PKNOX2: variants seen among roughly 807,000 people sequenced by gnomAD.
PKNOX2 encodes the protein PBX/knotted 1 homeobox 2.
PKNOX2 carries 14 observed loss-of-function variants against 53.1 expected under a neutral mutation model. The ratio of observed to expected loss-of-function variants is 0.26; its 90% CI spans 0.17 to 0.41. The LOEUF is 0.41. Ranked by LOEUF, PKNOX2 falls within the 10% of genes least tolerant of loss-of-function variation. The pLI is 1.00. For missense variants in PKNOX2, 496 were observed against 602.8 expected, an observed-to-expected ratio of 0.82 and a Z score of 1.85; for synonymous variants, 257 against 242.8, an observed-to-expected ratio of 1.06 and a Z score of -0.54.
intron 3 of PKNOX2, among the ~76,000 whole-genome samples, chr11:125,334,853 C>G (rs1450397921): frequency 6.6e-6 from 1 of 152,100 alleles, no homozygotes; most frequent in Non-Finnish European, 1.5e-5. Context: ...ATCTGCCTGC[C>G]TCGGCCTCCC....
chr11:125,180,135 T>C (rs990070340), intron 1 of PKNOX2, among the ~76,000 whole-genome samples: 7 of 152,200 alleles, frequency 4.6e-5, no homozygotes, highest in African/African-American at 1.7e-4. Flanking sequence ...GTTCCCTGGA[T>C]ATCTGCGTGG....
Position 125,230,445 on chromosome 11 carries a change from C to T in PKNOX2, c.-200-4600C>T, listed in dbSNP as rs74568840. On this transcript the variant is annotated intron_variant, in intron 1 of 12. Transcript: ENST00000298282. ...TGAGATATGGTGGGAGCTGCAGATA[C>T]GCTGTTGGAGGGACGAGTGGTCCAT... Among the ~76,000 whole-genome samples the T allele has an allele frequency of 7.2e-5, 11 of 152,234 alleles. No individual in the cohort carries two copies. The East Asian group carries it at 1.2e-3, about 16-fold the overall frequency.
intron 2 of PKNOX2, among the ~76,000 whole-genome samples, chr11:125,327,970 T>TGGAGTGATTCCTCC (rs1949923776): frequency 6.6e-6 from 1 of 152,210 alleles, no homozygotes; most frequent in African/African-American, 2.4e-5. Context: ...TCCCTAATAT[T>TGGAGTGATTCCTCC]GGAGTGATTC....
At chr11:125,215,027 G>A (rs117429518) in intron 1 of PKNOX2, among the ~76,000 whole-genome samples, 3,846 of 152,136 alleles carry the variant, frequency 0.025, 128 homozygotes, top group Admixed American at 0.085. Context: ...GTGGGAGAGC[G>A]TCCGCGAAGG....
chr11:125,339,933 T>C (rs1289197618), intron 3 of PKNOX2, among the ~76,000 whole-genome samples: 4 of 152,236 alleles, frequency 2.6e-5, no homozygotes, highest in Admixed American at 2.0e-4. Flanking sequence ...GAGTCCACGA[T>C]GAAGACTCAA....
rs956818165 is a variant in PKNOX2, at chr11:125,192,364, G to A, written c.-201+27588G>A. On this transcript the variant is annotated intron_variant, in intron 1 of 12. Coordinates refer to ENST00000298282, the MANE Select transcript of PKNOX2 (RefSeq NM_001382323.2). ...AAAGAATGTGTCTGAAGGCAGCTTG[G>A]GAAGATAAGGGCAAATTAAGTCAGG... 2.1e-4 allele frequency among the ~76,000 whole-genome samples: 32 copies of A among 152,154 alleles called. 1 individual carries two copies. The highest frequency in any genetic ancestry group is 7.2e-4 in the African/African-American group (30 of 41,428).
intron 2 of PKNOX2, among the ~76,000 whole-genome samples, chr11:125,315,005 C>A (rs1049445249): frequency 6.6e-6 from 1 of 152,194 alleles, no homozygotes; most frequent in Admixed American, 6.5e-5. Flanking sequence ...AGTCACACCC[C>A]TCTGGTCTTC....
At chr11:125,208,916 T>C (rs981728116) in intron 1 of PKNOX2, among the ~76,000 whole-genome samples, 2 of 151,958 alleles carry the variant, frequency 1.3e-5, no homozygotes, top group Non-Finnish European at 2.9e-5. Context: ...TGGGAGTACT[T>C]GGCCACCTCA....
At chr11:125,426,384 T>A (rs1291628295) in intron 10 of PKNOX2, among the ~76,000 whole-genome samples, 4 of 152,252 alleles carry the variant, frequency 2.6e-5, no homozygotes, top group African/African-American at 9.6e-5. Context: ...CCTCCTTTTT[T>A]TCTTCCCATC....
chr11:125,404,562 G>A (rs1295795682), intron 7 of PKNOX2, among the ~76,000 whole-genome samples: 1 of 152,084 alleles, frequency 6.6e-6, no homozygotes, highest in African/African-American at 2.4e-5. Context: ...TCTGGGGACA[G>A]GGACAACCTC....
intron 2 of PKNOX2, among the ~76,000 whole-genome samples, chr11:125,280,556 T>G (rs1271906728): frequency 6.6e-6 from 1 of 151,698 alleles, no homozygotes; most frequent in Non-Finnish European, 1.5e-5. Flanking sequence ...AATGGGGAGG[T>G]CTTCTCTAGC....
At chr11:125,246,608 TC>T (rs1207022937) in intron 2 of PKNOX2, among the ~76,000 whole-genome samples, 1 of 152,160 alleles carries the variant, frequency 6.6e-6, no homozygotes, top group African/African-American at 2.4e-5. Context: ...ATGTCTGCTG[TC>T]CCACTTCCTC....
At chr11:125,286,418 C>T (rs1229540637) in intron 2 of PKNOX2, among the ~76,000 whole-genome samples, 2 of 152,230 alleles carry the variant, frequency 1.3e-5, no homozygotes, top group Non-Finnish European at 2.9e-5. Flanking sequence ...CACTTCTTCT[C>T]CAACAAAGTG....
At chr11:125,287,464 G>A (rs948989490) in intron 2 of PKNOX2, among the ~76,000 whole-genome samples, 2 of 152,172 alleles carry the variant, frequency 1.3e-5, no homozygotes, top group African/African-American at 4.8e-5. Flanking sequence ...AATGCTCTAA[G>A]GCCCTTATGG....
intron 2 of PKNOX2, among the ~76,000 whole-genome samples, chr11:125,241,879 A>T (rs574261537): frequency 6.6e-6 from 1 of 152,172 alleles, no homozygotes; most frequent in African/African-American, 2.4e-5. Context: ...ACAAATGAAC[A>T]AAAAAAGAGA....
At chr11:125,221,865 C>T (rs1941186456) in intron 1 of PKNOX2, among the ~76,000 whole-genome samples, 2 of 152,150 alleles carry the variant, frequency 1.3e-5, no homozygotes, top group African/African-American at 4.8e-5. Context: ...CCCAAAATGA[C>T]AGTAGTGCCA....
chr11:125,318,467 A>G (rs780221337), intron 2 of PKNOX2, among the ~76,000 whole-genome samples: 1 of 152,042 alleles, frequency 6.6e-6, no homozygotes, highest in Non-Finnish European at 1.5e-5. Flanking sequence ...CCTTCATAGA[A>G]TTGAAGAGAG....
chr11:125,194,083 T>A (rs1957036289), intron 1 of PKNOX2, among the ~76,000 whole-genome samples: 1 of 152,186 alleles, frequency 6.6e-6, no homozygotes, highest in Non-Finnish European at 1.5e-5. Flanking sequence ...CAACGTGATG[T>A]CTTTGGGCTT....
At chr11:125,365,178 T>G (rs959183249) in intron 4 of PKNOX2, among the ~76,000 whole-genome samples, 1 of 151,982 alleles carries the variant, frequency 6.6e-6, no homozygotes, top group African/African-American at 2.4e-5. Context: ...TGCCTATATA[T>G]CCCACGTTCC....
Sources: gnomAD v4.1 joint callset for allele counts (sites outside exome capture counted in the v4.1 genomes callset) on GRCh38, gnomAD v4.1.1 for gene constraint, MANE v1.5 for transcripts, NCBI Gene and HGNC (gene_info 2026-07-23, HGNC 2026-07-21) for gene names.